TRIM24: variants seen among roughly 807,000 people sequenced by gnomAD.
TRIM24 encodes transcription intermediary factor 1-alpha.
Under a neutral mutation model 123.9 loss-of-function variants are expected in TRIM24, and 29 were observed. The ratio of observed to expected loss-of-function variants is 0.23; its 90% CI spans 0.17 to 0.32. TRIM24 has a LOEUF of 0.32. Among genes scored for constraint, TRIM24 ranks in the 10% least tolerant of loss-of-function variants. The pLI, the probability that TRIM24 is intolerant of heterozygous loss-of-function variation, is 1.00. For synonymous variants in TRIM24, 456 were observed against 461.1 expected, an observed-to-expected ratio of 0.99 and a Z score of 0.14; for missense variants, 932 against 1,295.3, an observed-to-expected ratio of 0.72 and a Z score of 4.31.
chr7:138,542,930 T>C (rs1325014150), intron 7 of TRIM24, among the ~76,000 whole-genome samples: 6 of 152,224 alleles, frequency 3.9e-5, no homozygotes, highest in Admixed American at 3.9e-4. Flanking sequence ...TTAGTTTTAA[T>C]GGAAAACATC....
rs759811583 is a variant in TRIM24, at chr7:138,529,219, C to T, written c.985C>T (p.His329Tyr). 21 of 1,537,328 alleles carry T rather than the reference C, an allele frequency of 1.4e-5. No individual in the cohort carries two copies. Among genetic ancestry groups the T allele is most frequent in the Non-Finnish European group, 1.8e-5 (21 of 1,138,734 alleles). ...EINKKGKALL[H>Y]QLESLAKDHR... Reference sequence around the variant, plus strand: ...AAATAAAAAAGGAAAAGCTCTACTGCATCAGTTAGAGGTAAGTGACTGCCC... The same window carrying T: ...AAATAAAAAAGGAAAAGCTCTACTGTATCAGTTAGAGGTAAGTGACTGCCC... Residue 329 changes from histidine (H) to tyrosine (Y), a missense_variant, in exon 6 of 19, where the codon CAT (histidine) becomes TAT (tyrosine). Transcript: ENST00000343526.
At chr7:138,516,504 G>A (rs1252231247) in intron 3 of TRIM24, among the ~76,000 whole-genome samples, 3 of 152,152 alleles carry the variant, frequency 2.0e-5, no homozygotes, top group East Asian at 1.9e-4. Flanking sequence ...ACAGGTGTGC[G>A]CCACCATGTG....
chr7:138,491,164 G>T, intron 1 of TRIM24: 1 of 291,368 alleles, frequency 3.4e-6, no homozygotes, highest in South Asian at 3.9e-5. Context: ...AGTCAACAAA[G>T]ACTCACTGCA....
At position 138,460,400 on chromosome 7, in the gene TRIM24, C is replaced by G; in HGVS notation, c.-149C>G. On this transcript the variant is annotated 5_prime_UTR_variant, in exon 1 of 19. Transcript: ENST00000343526. ...TCCCGTGGGCCTGAGGAGGCTTCCCCCGCCCGGTTTGCTTTCCCTCCCTCG... is the reference window on the plus strand; with the variant it reads ...TCCCGTGGGCCTGAGGAGGCTTCCCGCGCCCGGTTTGCTTTCCCTCCCTCG... The G allele has an allele frequency of 2.3e-6, 2 of 861,050 alleles. No individual in the cohort carries two copies. The highest frequency in any genetic ancestry group is 3.1e-6 in the Non-Finnish European group (2 of 647,896). 53.3% of individuals were successfully genotyped at this position (861,050 alleles called of 1,614,324 possible).
In TRIM24 at chr7:138,519,326, C is replaced by T; in HGVS notation, c.764+5C>T. 1 of 1,598,782 alleles carries T rather than the reference C, an allele frequency of 6.3e-7. No homozygotes were observed. The highest frequency in any genetic ancestry group is 8.5e-7 in the Non-Finnish European group (1 of 1,173,668). On this transcript the variant is annotated splice_donor_5th_base_variant and intron_variant, in intron 4 of 18. Coordinates refer to ENST00000343526, the MANE Select transcript of TRIM24 (RefSeq NM_015905.3). ...GTTAGAACATAAAGAGCATAGGTAC[C>T]AGCATCTTTGGTTATATATATAGAT...
intron 6 of TRIM24, among the ~76,000 whole-genome samples, chr7:138,531,202 CATGTATACGTGTATGT>C (rs1796726867): frequency 1.3e-5 from 2 of 148,560 alleles, no homozygotes; most frequent in Non-Finnish European, 2.9e-5. Context: ...TACATGTATA[CATGTATACGTGTATGT>C]TACATACGTA....
intron 1 of TRIM24, among the ~76,000 whole-genome samples, chr7:138,481,220 G>A (rs1192129009): frequency 6.6e-6 from 1 of 151,802 alleles, no homozygotes; most frequent in Non-Finnish European, 1.5e-5. Flanking sequence ...TCAAACTCCC[G>A]AGCTCAGTGA....
intron 6 of TRIM24, among the ~76,000 whole-genome samples, chr7:138,537,375 G>GTTTT (rs1388530445): frequency 3.8e-4 from 10 of 26,258 alleles, no homozygotes; most frequent in African/African-American, 9.5e-4. Context: ...CGCCACCCCT[G>GTTTT]TTTGTTTTTT....
chr7:138,581,810 G>C, intron 17 of TRIM24, 39 bp downstream of exon 17: 1 of 1,501,830 alleles, frequency 6.7e-7, no homozygotes, highest in Non-Finnish European at 9.1e-7. Flanking sequence ...TTACACAGTG[G>C]AATGCTTTTC....
At chr7:138,519,465 T>G in intron 4 of TRIM24, 144 bp downstream of exon 4, 1 of 844,940 alleles carries the variant, frequency 1.2e-6, no homozygotes, top group Non-Finnish European at 1.8e-6. Context: ...GTTTGTCACT[T>G]TTGACACTAT....
At chr7:138,543,629 T>C (rs779777739) in intron 7 of TRIM24, among the ~76,000 whole-genome samples, 22 of 152,298 alleles carry the variant, frequency 1.4e-4, no homozygotes, top group Non-Finnish European at 2.9e-4. Flanking sequence ...ATTTATATTT[T>C]ACTATATATT....
intron 13 of TRIM24, among the ~76,000 whole-genome samples, chr7:138,577,005 A>G (rs1797775083): frequency 6.6e-6 from 1 of 152,126 alleles, no homozygotes; most frequent in Non-Finnish European, 1.5e-5. Flanking sequence ...AAGCTTTTTG[A>G]CCCACTACCT....
chr7:138,559,247 G>C (rs1797376805), intron 9 of TRIM24, among the ~76,000 whole-genome samples: 1 of 152,138 alleles, frequency 6.6e-6, no homozygotes, highest in Non-Finnish European at 1.5e-5. Context: ...TAGTACAGCA[G>C]AGTCCTAGTT....
chr7:138,544,020 A>G (rs1389347849), intron 7 of TRIM24, among the ~76,000 whole-genome samples: 2 of 152,022 alleles, frequency 1.3e-5, no homozygotes, highest in African/African-American at 2.4e-5. Flanking sequence ...TGTAGAGACA[A>G]GGTCTTGTTC....
At chr7:138,567,449 G>A (rs1797558133) in intron 9 of TRIM24, 32 bp from the exon 10 acceptor site, 1 of 1,576,164 alleles carries the variant, frequency 6.3e-7, no homozygotes, top group African/African-American at 1.4e-5. Context: ...GAAGAAGATT[G>A]TTACTAAATT....
At chr7:138,474,194 C>T (rs1319431945) in intron 1 of TRIM24, among the ~76,000 whole-genome samples, 1 of 147,004 alleles carries the variant, frequency 6.8e-6, no homozygotes, top group Non-Finnish European at 1.5e-5. Flanking sequence ...GGCGCTATCT[C>T]AGCTCACTGC....
At chr7:138,520,259 C>G (rs920210726) in intron 4 of TRIM24, among the ~76,000 whole-genome samples, 8 of 152,166 alleles carry the variant, frequency 5.3e-5, no homozygotes, top group African/African-American at 1.9e-4. Context: ...CCCTGAAAGT[C>G]TGCACTATTA....
At position 138,471,489 on chromosome 7, in the gene TRIM24, A is replaced by G. The variant is rs536808464; in HGVS notation, c.364+10577A>G. ...TCTTCTGATTTTTTTTCTAATATAA[A>G]TAATCTATAGGTTCTCATCTCATAG... On this transcript the variant is annotated intron_variant, in intron 1 of 18. Transcript: ENST00000343526. Among the ~76,000 whole-genome samples the G allele has an allele frequency of 9.6e-4, 146 of 151,914 alleles. 1 individual carries two copies. The highest frequency in any genetic ancestry group is 3.3e-3 in the African/African-American group (139 of 41,502).
intron 8 of TRIM24, among the ~76,000 whole-genome samples, chr7:138,553,254 A>T (rs1430468025): frequency 1.3e-5 from 2 of 152,168 alleles, no homozygotes; most frequent in Non-Finnish European, 2.9e-5. Flanking sequence ...CTTGTTACCC[A>T]TGGCTTCTGA....
Sources: allele counts gnomAD v4.1 joint callset (sites outside exome capture counted in the v4.1 genomes callset), GRCh38; gene constraint gnomAD v4.1.1; transcripts MANE v1.5; gene names NCBI Gene and HGNC (gene_info 2026-07-23, HGNC 2026-07-21).